Variants in EEFSEC observed in about 807,000 individuals in gnomAD.
EEFSEC encodes the protein selenocysteine-specific elongation factor.
Under a neutral mutation model 42.1 loss-of-function variants are expected in EEFSEC, and 43 were observed. That is an observed-to-expected ratio of 1.02 (90% CI 0.80 to 1.32). EEFSEC has a LOEUF of 1.32. EEFSEC is among the 40% of genes most tolerant of loss of function. The pLI, the probability that EEFSEC is intolerant of heterozygous loss-of-function variation, is 0.00. For missense variants in EEFSEC, 745 were observed against 803.6 expected, an observed-to-expected ratio of 0.93 and a Z score of 0.88; for synonymous variants, 354 against 339.1, an observed-to-expected ratio of 1.04 and a Z score of -0.48.
downstream of EEFSEC, among the ~76,000 whole-genome samples, chr3:128,411,074 G>A (rs181336137): frequency 1.6e-4 from 25 of 152,318 alleles, no homozygotes; most frequent in Non-Finnish European, 3.2e-4. Context: ...GCCCGGCATC[G>A]GTGGAAACCC....
intron 2 of EEFSEC, among the ~76,000 whole-genome samples, chr3:128,248,740 T>C (rs2107902548): frequency 6.6e-6 from 1 of 152,232 alleles, no homozygotes; most frequent in South Asian, 2.1e-4. Context: ...ACTATAGAAA[T>C]GGGACCTTCA....
intron 3 of EEFSEC, 125 bp downstream of exon 3, chr3:128,262,349 A>G (rs1250373897): frequency 5.1e-6 from 4 of 788,114 alleles, no homozygotes; most frequent in Middle Eastern, 3.6e-4. Flanking sequence ...AGTTGGTTCC[A>G]TTAACCTCCC....
intron 5 of EEFSEC, among the ~76,000 whole-genome samples, chr3:128,357,691 C>G (rs1053951071): frequency 6.6e-6 from 1 of 152,096 alleles, no homozygotes; most frequent in African/African-American, 2.4e-5. Context: ...GAGGCCAGTT[C>G]TAGAAGGCCT....
intron 6 of EEFSEC, among the ~76,000 whole-genome samples, chr3:128,373,815 T>G (rs1166406663): frequency 1.3e-5 from 2 of 152,098 alleles, no homozygotes; most frequent in African/African-American, 4.8e-5. Flanking sequence ...TTAAGCCAAT[T>G]CTCACCCATA....
chr3:128,385,481 A>C (rs1256807140), intron 6 of EEFSEC, among the ~76,000 whole-genome samples: 1 of 152,224 alleles, frequency 6.6e-6, no homozygotes, highest in Admixed American at 6.5e-5. Flanking sequence ...AACATACCTA[A>C]GGGTCAACTT....
chr3:128,318,760 C>A (rs1026773351), intron 4 of EEFSEC, among the ~76,000 whole-genome samples: 2 of 152,258 alleles, frequency 1.3e-5, no homozygotes, highest in African/African-American at 4.8e-5. Flanking sequence ...TCCCACTCCT[C>A]TTCCTGAGTG....
intron 5 of EEFSEC, among the ~76,000 whole-genome samples, chr3:128,342,881 T>C (rs1172841781): frequency 6.6e-6 from 1 of 152,204 alleles, no homozygotes; most frequent in Non-Finnish European, 1.5e-5. Flanking sequence ...TGGGAATCCA[T>C]GCCCATCGGG....
the EEFSEC span, among the ~76,000 whole-genome samples, chr3:128,424,463 C>A: frequency 2.6e-5 from 4 of 152,080 alleles, no homozygotes; most frequent in African/African-American, 9.7e-5. Flanking sequence ...CTCACTGCAG[C>A]CTCGAACTCC....
At chr3:128,259,184 G>A (rs2066272666) in intron 2 of EEFSEC, among the ~76,000 whole-genome samples, 1 of 152,220 alleles carries the variant, frequency 6.6e-6, no homozygotes, top group African/African-American at 2.4e-5. Context: ...CACTCCCACT[G>A]TGTTGCATGC....
intron 4 of EEFSEC, among the ~76,000 whole-genome samples, chr3:128,314,981 T>C (rs2066929245): frequency 6.6e-6 from 1 of 152,170 alleles, no homozygotes; most frequent in Non-Finnish European, 1.5e-5. Flanking sequence ...CCACCTGCTC[T>C]TCAGGGCTGC....
At chr3:128,246,456 C>T (rs930388411) in intron 1 of EEFSEC, among the ~76,000 whole-genome samples, 13 of 152,192 alleles carry the variant, frequency 8.5e-5, no homozygotes, top group Middle Eastern at 6.8e-3. Flanking sequence ...AAGCCTAGTA[C>T]GAAACTTTTT....
chr3:128,271,704 G>A (rs1312525996), intron 4 of EEFSEC, among the ~76,000 whole-genome samples: 1 of 152,080 alleles, frequency 6.6e-6, no homozygotes, highest in Non-Finnish European at 1.5e-5. Context: ...CAGCACCATG[G>A]CCACTGCTCA....
chr3:128,270,323 T>C (rs935736438), intron 4 of EEFSEC, among the ~76,000 whole-genome samples: 2 of 152,200 alleles, frequency 1.3e-5, no homozygotes, highest in African/African-American at 4.8e-5. Context: ...AAGTGAGTTA[T>C]TGAAATGCAA....
chr3:128,313,143 T>C (rs2066908487), intron 4 of EEFSEC, among the ~76,000 whole-genome samples: 1 of 152,190 alleles, frequency 6.6e-6, no homozygotes, highest in Non-Finnish European at 1.5e-5. Flanking sequence ...GTTTTTCCTA[T>C]TCCTGCCAGC....
intron 6 of EEFSEC, among the ~76,000 whole-genome samples, chr3:128,403,067 A>G (rs2068066786): frequency 6.6e-6 from 1 of 152,138 alleles, no homozygotes; most frequent in African/African-American, 2.4e-5. Context: ...AGGGGGTTGT[A>G]GTTCTAAACA....
intron 4 of EEFSEC, among the ~76,000 whole-genome samples, chr3:128,286,871 A>G (rs1202557266): frequency 6.6e-6 from 1 of 152,200 alleles, no homozygotes; most frequent in East Asian, 1.9e-4. Flanking sequence ...CTGCATTTAC[A>G]TCAAGCTGAA....
chr3:128,354,250 C>T (rs2067425310), intron 5 of EEFSEC, among the ~76,000 whole-genome samples: 1 of 152,186 alleles, frequency 6.6e-6, no homozygotes, highest in Non-Finnish European at 1.5e-5. Context: ...GAGTATGCTT[C>T]ACCCACTCAG....
At chr3:128,170,334 G>A (rs1168830085) in intron 1 of EEFSEC, among the ~76,000 whole-genome samples, 2 of 152,252 alleles carry the variant, frequency 1.3e-5, no homozygotes, top group African/African-American at 4.8e-5. Flanking sequence ...AGGCGGAGGT[G>A]GGTGGATCAC....
At chr3:128,338,990 C>T (rs1329164428) in intron 4 of EEFSEC, among the ~76,000 whole-genome samples, 1 of 152,210 alleles carries the variant, frequency 6.6e-6, no homozygotes, top group Non-Finnish European at 1.5e-5. Context: ...GAAAGCCGCA[C>T]AGGCTGCTGC....
Sources: allele counts gnomAD v4.1 joint callset (sites outside exome capture counted in the v4.1 genomes callset), GRCh38; gene constraint gnomAD v4.1.1; transcripts MANE v1.5; gene names NCBI Gene and HGNC (gene_info 2026-07-23, HGNC 2026-07-21).